AFF4: variants seen among roughly 807,000 people sequenced by gnomAD.
The protein encoded by AFF4 is ALF transcription elongation factor 4.
In AFF4, 13 loss-of-function variants were observed where a neutral mutation model predicts 124.8. That is an observed-to-expected ratio of 0.10 (90% CI 0.07 to 0.17). The LOEUF (loss-of-function observed/expected upper bound fraction) is 0.17. Ranked by LOEUF, AFF4 falls within the 10% of genes least tolerant of loss-of-function variation. The pLI is 1.00. For missense variants in AFF4, 1,092 were observed against 1,403.8 expected (o/e 0.78, Z 3.55); for synonymous variants, 477 against 496.1 (o/e 0.96, Z 0.51).
intron 4 of AFF4, among the ~76,000 whole-genome samples, chr5:132,931,341 A>G (rs1258880920): frequency 6.6e-6 from 1 of 152,160 alleles, no homozygotes; most frequent in Admixed American, 6.5e-5. Flanking sequence ...AGGCACAAGA[A>G]TTGCTTGAAC....
intron 4 of AFF4, chr5:132,927,466 G>A: frequency 2.7e-6 from 1 of 365,734 alleles, no homozygotes; most frequent in Non-Finnish European, 4.9e-6. Flanking sequence ...AAATCAGCCT[G>A]TAATCAAATA....
rs117231409 is a variant in AFF4, at chr5:132,918,490, C to T, written c.1050+8631G>A. ...CACCCTCGTCAACATGGTAAAACCT[C>T]GTCTCTACTAAAAATATAAAAATTA... On this transcript the variant is annotated intron_variant, in intron 5 of 20. Coordinates refer to ENST00000265343, the MANE Select transcript of AFF4 (RefSeq NM_014423.4). Among the ~76,000 whole-genome samples the T allele has an allele frequency of 4.0e-3, 603 of 152,182 alleles. 18 individuals are homozygous for T. In the East Asian group the frequency reaches 0.089, roughly 22 times the overall value.
chr5:132,949,267 A>G (rs1431130824), intron 1 of AFF4, among the ~76,000 whole-genome samples: 1 of 130,748 alleles, frequency 7.6e-6, no homozygotes, highest in African/African-American at 3.0e-5. Context: ...GGCTTGTTTC[A>G]AATTCTTTGG....
intron 1 of AFF4, among the ~76,000 whole-genome samples, chr5:132,951,616 A>G (rs1028945006): frequency 2.0e-5 from 3 of 152,044 alleles, no homozygotes; most frequent in Non-Finnish European, 2.9e-5. Flanking sequence ...CAACCTCCAC[A>G]TCCCAGGTTC....
At chr5:132,889,279 C>A in intron 13 of AFF4, 106 bp from the exon 14 acceptor site, 1 of 711,488 alleles carries the variant, frequency 1.4e-6, no homozygotes, top group East Asian at 2.7e-5. Context: ...ATTTCATTGC[C>A]TTTCATAATG....
intron 9 of AFF4, 70 bp downstream of exon 9, chr5:132,899,034 T>C (rs2150074668): frequency 7.4e-7 from 1 of 1,359,530 alleles, no homozygotes. Context: ...AGGCCACTTA[T>C]TATATCCCTG....
At chr5:132,908,376 C>G (rs1760716451) in intron 5 of AFF4, among the ~76,000 whole-genome samples, 1 of 152,006 alleles carries the variant, frequency 6.6e-6, no homozygotes, top group African/African-American at 2.4e-5. Flanking sequence ...TCTGGTTTCA[C>G]TGGATGCCAC....
chr5:132,963,286 A>C lies in AFF4; in HGVS notation c.-32T>G. On this transcript the variant is annotated 5_prime_UTR_variant, in exon 1 of 21. Coordinates refer to ENST00000265343, the MANE Select transcript of AFF4 (RefSeq NM_014423.4). ...CCAGTCCCGGCTCCGCTAGGCCCGA[A>C]CCATCTCCTGGCTGCGGCAGTGGCG... 2.5e-6 allele frequency: 1 copy of C among 395,292 alleles called. No individual in the cohort carries two copies. Among genetic ancestry groups the C allele is most frequent in the Non-Finnish European group, 4.5e-6 (1 of 224,154 alleles). The allele number at this position is 395,292 out of a possible 1,614,324, so 24.5% of individuals were successfully genotyped here.
At chr5:132,881,305 A>C in intron 20 of AFF4, 119 bp from the exon 21 acceptor site, 1 of 1,063,848 alleles carries the variant, frequency 9.4e-7, no homozygotes, top group Non-Finnish European at 1.3e-6. Flanking sequence ...CTCCTACACT[A>C]AAATGCTTAC....
chr5:132,885,360 A>G (rs931858908), intron 18 of AFF4, among the ~76,000 whole-genome samples: 6 of 151,608 alleles, frequency 4.0e-5, no homozygotes, highest in African/African-American at 1.5e-4. Context: ...ATAATGAGTA[A>G]CACATGGATA....
chr5:132,884,900 T>C (rs1760075618), intron 19 of AFF4, among the ~76,000 whole-genome samples, 176 bp downstream of exon 19: 1 of 152,204 alleles, frequency 6.6e-6, no homozygotes, highest in African/African-American at 2.4e-5. Context: ...ATTATGTTCA[T>C]TTATATTTTC....
At chr5:132,945,191 G>A (rs1377227747) in intron 1 of AFF4, 3 of 152,348 alleles carry the variant, frequency 2.0e-5, no homozygotes, top group African/African-American at 7.2e-5. Context: ...TCTTCAGAAG[G>A]AAAAGATGAC....
intron 5 of AFF4, among the ~76,000 whole-genome samples, chr5:132,919,742 C>T (rs1042042491): frequency 8.6e-5 from 13 of 151,966 alleles, no homozygotes; most frequent in Non-Finnish European, 1.6e-4. Context: ...TCCAGCTATT[C>T]GGGAGACCAA....
At chr5:132,910,951 T>C (rs1760780838) in intron 5 of AFF4, among the ~76,000 whole-genome samples, 1 of 152,190 alleles carries the variant, frequency 6.6e-6, no homozygotes, top group African/African-American at 2.4e-5. Context: ...AAACTATCAC[T>C]GGAAAATCTC....
rs751595730 is a variant in AFF4 at position 132,894,361 on chromosome 5, G to C, written c.2308-1243C>G. 3.3e-5 allele frequency among the ~76,000 whole-genome samples: 5 copies of C among 152,136 alleles called. No individual in the cohort carries two copies. The South Asian group carries it at 1.0e-3, about 32-fold the overall frequency. Reference sequence around the variant, plus strand: ...TTTATGGTCCATACTTTTGATCATAGCACAGCCTAGTGACTCAAAAAACTT... The same window carrying C: ...TTTATGGTCCATACTTTTGATCATACCACAGCCTAGTGACTCAAAAAACTT... On this transcript the variant is annotated intron_variant, in intron 11 of 20. Coordinates refer to ENST00000265343, the MANE Select transcript of AFF4 (RefSeq NM_014423.4).
rs1760194405 is a variant in AFF4, at chr5:132,889,169, T to C, written c.2642A>G (p.Lys881Arg). The C allele has an allele frequency of 6.2e-7, 1 of 1,608,252 alleles. No homozygotes were observed. The highest frequency in any genetic ancestry group is 8.5e-7 in the Non-Finnish European group (1 of 1,175,366). ...TSSSSKEVKE[K>R]APSSSSNCPP... ...ACAGTTAGAGGAGCTACTTGGAGCCTTTTCCTGACCAAAAAAATATATAAC... is the reference window on the plus strand; with the variant it reads ...ACAGTTAGAGGAGCTACTTGGAGCCCTTTCCTGACCAAAAAAATATATAAC... The change falls in exon 14 of 21, where the codon AAG becomes AGG. Residue 881 changes from lysine to arginine, a missense_variant. Coordinates refer to ENST00000265343, the MANE Select transcript of AFF4 (RefSeq NM_014423.4).
intron 1 of AFF4, among the ~76,000 whole-genome samples, chr5:132,951,961 G>C (rs927719408): frequency 5.3e-5 from 8 of 152,162 alleles, no homozygotes; most frequent in African/African-American, 1.9e-4. Flanking sequence ...TCAGCATTAT[G>C]AGGTTAATCC....
chr5:132,947,478 G>C (rs1761728308), intron 1 of AFF4, among the ~76,000 whole-genome samples: 1 of 152,060 alleles, frequency 6.6e-6, no homozygotes, highest in Non-Finnish European at 1.5e-5. Flanking sequence ...GTCAGAATTT[G>C]TTACAATGTT....
intron 1 of AFF4, among the ~76,000 whole-genome samples, chr5:132,962,581 A>G (rs1446496791): frequency 1.3e-5 from 2 of 152,158 alleles, no homozygotes; most frequent in Non-Finnish European, 2.9e-5. Flanking sequence ...TGGAAGGAAC[A>G]GCAAAGTAGA....
Sources: gnomAD v4.1 joint callset for allele counts (sites outside exome capture counted in the v4.1 genomes callset) on GRCh38, gnomAD v4.1.1 for gene constraint, MANE v1.5 for transcripts, NCBI Gene and HGNC (gene_info 2026-07-23, HGNC 2026-07-21) for gene names.